RANBP2: variants seen among roughly 807,000 people sequenced by gnomAD.
RANBP2 encodes RAN binding protein 2, also known as E3 SUMO-protein ligase RanBP2.
RANBP2 carries 57 observed loss-of-function variants against 303.6 expected under a neutral mutation model. The observed-to-expected ratio is 0.19, with a 90% confidence interval of 0.15 to 0.23. The LOEUF is 0.23. Ranked by LOEUF, RANBP2 falls within the 10% of genes least tolerant of loss-of-function variation. The probability of loss-of-function intolerance (pLI) is 1.00; values close to 1 mark genes in which losing one functional copy is unlikely to be tolerated. For synonymous variants in RANBP2, 1,167 were observed against 1,301.5 expected (o/e 0.90, Z 2.23); for missense variants, 3,138 against 3,780.8 (o/e 0.83, Z 4.46).
At chr2:109,363,287 A>C in the RANBP2 span, among the ~76,000 whole-genome samples, 2 of 152,054 alleles carry the variant, frequency 1.3e-5, no homozygotes, top group African/African-American at 4.8e-5. Flanking sequence ...TTTACAATGA[A>C]TTCAAGCCCA....
At chr2:109,281,440 C>G in the RANBP2 span, among the ~76,000 whole-genome samples, 3 of 152,216 alleles carry the variant, frequency 2.0e-5, no homozygotes, top group African/African-American at 7.2e-5. Flanking sequence ...TAGTGTCCTG[C>G]ATCCAGCACA....
chr2:109,646,059 T>A, the RANBP2 span, among the ~76,000 whole-genome samples: 2 of 152,328 alleles, frequency 1.3e-5, no homozygotes, highest in East Asian at 3.9e-4. Flanking sequence ...GGGGCCGGAA[T>A]GCTGTCCCCA....
the RANBP2 span, among the ~76,000 whole-genome samples, chr2:109,653,844 A>G: frequency 6.6e-6 from 1 of 152,094 alleles, no homozygotes; most frequent in Non-Finnish European, 1.5e-5. Flanking sequence ...GGCCTTTTCT[A>G]GCTCTTCAGG....
At chr2:108,842,319 G>GT in the RANBP2 span, among the ~76,000 whole-genome samples, 1 of 151,696 alleles carries the variant, frequency 6.6e-6, no homozygotes, top group Non-Finnish European at 1.5e-5. Flanking sequence ...AATTACAGAC[G>GT]TGAGCCAACC....
chr2:108,785,026 A>ACAAATTT lies in RANBP2; in HGVS notation c.*1125_*1126insCAAATTT. ...CTCAATATGGAACTACAAAGAATCC[A>ACAAATTT]GGTAGAACACAAAATTTTGTATATT... On this transcript the variant is annotated 3_prime_UTR_variant, in exon 29 of 29. Transcript: ENST00000283195. 6.6e-6 allele frequency: 1 copy of ACAAATTT among 152,374 alleles called. No individual in the cohort carries two copies. Among genetic ancestry groups the ACAAATTT allele is most frequent in the East Asian group, 1.9e-4 (1 of 5,194 alleles). The allele number at this position is 152,374 out of a possible 1,614,324, so 9.4% of individuals were successfully genotyped here.
chr2:109,488,674 G>C, the RANBP2 span, among the ~76,000 whole-genome samples: 14 of 152,138 alleles, frequency 9.2e-5, no homozygotes, highest in Non-Finnish European at 1.5e-4. Context: ...TCTCCCTCAA[G>C]TTGTGCCGCC....
the RANBP2 span, among the ~76,000 whole-genome samples, chr2:109,447,932 A>T: frequency 1.3e-5 from 2 of 152,196 alleles, no homozygotes; most frequent in African/African-American, 4.8e-5. Context: ...GTGCTTCGAC[A>T]TGCAGGCAGA....
At chr2:109,494,933 A>G in the RANBP2 span, among the ~76,000 whole-genome samples, 1 of 152,082 alleles carries the variant, frequency 6.6e-6, no homozygotes, top group Non-Finnish European at 1.5e-5. Context: ...CCTCTGAGAA[A>G]GGACTAGGGG....
the RANBP2 span, among the ~76,000 whole-genome samples, chr2:109,022,474 T>G: frequency 6.6e-6 from 1 of 152,208 alleles, no homozygotes; most frequent in Non-Finnish European, 1.5e-5. Context: ...CCTTTTGCAG[T>G]GTAAAATCTT....
the RANBP2 span, among the ~76,000 whole-genome samples, chr2:109,201,084 C>G: frequency 6.6e-6 from 1 of 152,210 alleles, no homozygotes; most frequent in Non-Finnish European, 1.5e-5. Flanking sequence ...CTCAGGGACT[C>G]TCAGTTCTCT....
chr2:109,458,946 G>A, the RANBP2 span, among the ~76,000 whole-genome samples: 9,015 of 152,152 alleles, frequency 0.059, 278 homozygotes, highest in South Asian at 0.089. Flanking sequence ...CACCATCACC[G>A]TCCATCCTTT....
the RANBP2 span, among the ~76,000 whole-genome samples, chr2:109,024,144 C>G: frequency 6.6e-6 from 1 of 152,116 alleles, no homozygotes; most frequent in South Asian, 2.1e-4. Context: ...AGGCTGGTCT[C>G]GAACTCCCAA....
At chr2:109,569,192 G>C in the RANBP2 span, among the ~76,000 whole-genome samples, 2 of 152,072 alleles carry the variant, frequency 1.3e-5, no homozygotes, top group African/African-American at 4.8e-5. Context: ...ACTTTGAAAG[G>C]CTGAGGCAGG....
At chr2:108,936,448 T>C in the RANBP2 span, among the ~76,000 whole-genome samples, 2 of 149,922 alleles carry the variant, frequency 1.3e-5, no homozygotes, top group Non-Finnish European at 3.0e-5. Context: ...GGCAACTGCC[T>C]GTGTCTGGGA....
At chr2:109,532,407 C>G in the RANBP2 span, among the ~76,000 whole-genome samples, 75,494 of 151,874 alleles carry the variant, frequency 0.5, 20,268 homozygotes, top group African/African-American at 0.71. Flanking sequence ...TAGAAGCCGG[C>G]TAAGGTTTAT....
At chr2:109,778,690 T>TTC in the RANBP2 span, among the ~76,000 whole-genome samples, 1 of 139,828 alleles carries the variant, frequency 7.2e-6, no homozygotes, top group Non-Finnish European at 1.5e-5. Flanking sequence ...TTTTTTTCTT[T>TTC]TCTCTCTCTC....
At chr2:108,750,973 G>A (rs529601954) in intron 9 of RANBP2, among the ~76,000 whole-genome samples, 29 of 152,152 alleles carry the variant, frequency 1.9e-4, no homozygotes, top group Admixed American at 1.3e-3. Flanking sequence ...TCTTTATTTG[G>A]CTTTTGTCAG....
At chr2:109,320,242 C>T in the RANBP2 span, among the ~76,000 whole-genome samples, 4 of 152,166 alleles carry the variant, frequency 2.6e-5, no homozygotes, top group African/African-American at 4.8e-5. Context: ...GGCTGCTTTC[C>T]GGGCAGAGGA....
the RANBP2 span, among the ~76,000 whole-genome samples, chr2:109,346,484 G>T: frequency 2.0e-5 from 3 of 151,928 alleles, no homozygotes; most frequent in Admixed American, 6.5e-5. Flanking sequence ...GAAAATCGTT[G>T]GGTATTGACA....
Sources: gnomAD v4.1 joint callset for allele counts (sites outside exome capture counted in the v4.1 genomes callset) on GRCh38, gnomAD v4.1.1 for gene constraint, MANE v1.5 for transcripts, NCBI Gene and HGNC (gene_info 2026-07-23, HGNC 2026-07-21) for gene names.